FMNL2: variants seen among roughly 807,000 people sequenced by gnomAD.
The protein encoded by FMNL2 is formin like 2.
FMNL2 carries 51 observed loss-of-function variants against 130.2 expected under a neutral mutation model. The ratio of observed to expected loss-of-function variants is 0.39; its 90% CI spans 0.31 to 0.49. FMNL2 has a LOEUF of 0.49. FMNL2 is among the 20% of genes least tolerant of loss of function. The pLI, the probability that FMNL2 is intolerant of heterozygous loss-of-function variation, is 0.85. For synonymous variants in FMNL2, 465 were observed against 467.1 expected (o/e 1.00, Z 0.06); for missense variants, 977 against 1,316.2 (o/e 0.74, Z 3.99).
At chr2:152,644,900 G>A (rs139494482) in intron 25 of FMNL2, among the ~76,000 whole-genome samples, 3 of 152,234 alleles carry the variant, frequency 2.0e-5, no homozygotes, top group East Asian at 1.9e-4. Flanking sequence ...AATAAGAAAC[G>A]AACTTCTCTC....
rs73968053 is a variant in FMNL2, at chr2:152,511,923, C to T, written c.118-10020C>T. ...ATATGTTACAATTTGAGTTTGGTAT[C>T]TTCAGTTATCAAATTGAGTTTACTC... On this transcript the variant is annotated intron_variant, in intron 1 of 25. Transcript: ENST00000288670. Among the ~76,000 whole-genome samples, 687 of 152,240 alleles carry T rather than the reference C, an allele frequency of 4.5e-3. 5 individuals are homozygous for T. Among genetic ancestry groups the T allele is most frequent in the African/African-American group, 0.016 (658 of 41,528 alleles).
chr2:152,450,697 GCCC>G (rs1688592397), intron 1 of FMNL2, among the ~76,000 whole-genome samples: 1 of 152,142 alleles, frequency 6.6e-6, no homozygotes, highest in African/African-American at 2.4e-5. Context: ...ACTTAAGTCA[GCCC>G]CATGTGGCAT....
chr2:152,382,095 G>A lies in FMNL2; in HGVS notation c.117+46375G>A, dbSNP rs535804976. 2.8e-4 allele frequency among the ~76,000 whole-genome samples: 42 copies of A among 152,234 alleles called. 1 individual carries two copies. In the South Asian group the frequency reaches 7.1e-3, roughly 26 times the overall value. ...ATTACAGGAGTGAGCCACCATGCCT[G>A]GCCTAGAATCTTTACATACCGGTTT... On this transcript the variant is annotated intron_variant, in intron 1 of 25. Transcript: ENST00000288670.
chr2:152,339,413 C>T (rs532184005), intron 1 of FMNL2, among the ~76,000 whole-genome samples: 7 of 152,178 alleles, frequency 4.6e-5, no homozygotes, highest in African/African-American at 1.4e-4. Flanking sequence ...GGTTTTTGTC[C>T]GAGAATACCT....
rs1683791313 is a variant in FMNL2, at chr2:152,648,275, C to T, written c.*370C>T. 1 of 182,756 alleles carries T rather than the reference C, an allele frequency of 5.5e-6. No individual in the cohort carries two copies. The highest frequency in any genetic ancestry group is 1.1e-5 in the Non-Finnish European group (1 of 87,504). 11.3% of individuals were successfully genotyped at this position (182,756 alleles called of 1,614,324 possible). On this transcript the variant is annotated 3_prime_UTR_variant, in exon 26 of 26. Coordinates refer to ENST00000288670, the MANE Select transcript of FMNL2 (RefSeq NM_052905.4). ...GTTGTAAATAACATCAATGCATCTG[C>T]TGTGGGTCCTTTGCTGAGATGTCTT...
At chr2:152,428,942 A>G (rs1687336419) in intron 1 of FMNL2, among the ~76,000 whole-genome samples, 1 of 152,100 alleles carries the variant, frequency 6.6e-6, no homozygotes. Context: ...GCATGTTCTC[A>G]CTTACAAGTG....
At chr2:152,432,980 G>C (rs1256814896) in intron 1 of FMNL2, among the ~76,000 whole-genome samples, 2 of 152,172 alleles carry the variant, frequency 1.3e-5, no homozygotes, top group Non-Finnish European at 2.9e-5. Context: ...AGGCAGACCC[G>C]GGCTTGAGTT....
chr2:152,588,653 G>A (rs965646100), intron 9 of FMNL2, among the ~76,000 whole-genome samples: 6 of 152,082 alleles, frequency 3.9e-5, no homozygotes, highest in Non-Finnish European at 7.3e-5. Context: ...TACCAAGAAG[G>A]TAGTATTTTA....
intron 1 of FMNL2, among the ~76,000 whole-genome samples, chr2:152,433,754 A>G (rs1687610394): frequency 1.3e-5 from 2 of 152,186 alleles, no homozygotes; most frequent in Admixed American, 6.5e-5. Flanking sequence ...AGGCTGAGGG[A>G]TAAAGCAGGC....
chr2:152,394,796 C>T (rs1183849166), intron 1 of FMNL2, among the ~76,000 whole-genome samples: 1 of 150,706 alleles, frequency 6.6e-6, no homozygotes, highest in Non-Finnish European at 1.5e-5. Context: ...TCACAGGTTA[C>T]CATATAAGAT....
chr2:152,389,316 G>A (rs1283494611), intron 1 of FMNL2, among the ~76,000 whole-genome samples: 1 of 152,196 alleles, frequency 6.6e-6, no homozygotes, highest in Non-Finnish European at 1.5e-5. Flanking sequence ...TCCTTCTGCT[G>A]TATCTTCATA....
rs536403590 is a variant in FMNL2, at chr2:152,439,403, T to C, written c.118-82540T>C. Among the ~76,000 whole-genome samples, 12 of 152,294 alleles carry C rather than the reference T, an allele frequency of 7.9e-5. 1 individual carries two copies. In the South Asian group the frequency reaches 2.1e-3, roughly 26 times the overall value. On this transcript the variant is annotated intron_variant, in intron 1 of 25. Transcript: ENST00000288670. ...ACAAGTTTTGTTGGATATGTGTGTG[T>C]TTTGGTTTTTTAATCAAGCCAGGTT...
intron 1 of FMNL2, among the ~76,000 whole-genome samples, chr2:152,340,552 C>CT (rs1271328883): frequency 3.9e-5 from 6 of 152,206 alleles, no homozygotes; most frequent in African/African-American, 1.2e-4. Context: ...TTCAGTTTTT[C>CT]TTTTCAAGGC....
intron 1 of FMNL2, 93 bp from the exon 2 acceptor site, chr2:152,521,850 C>T: frequency 1.1e-6 from 1 of 921,808 alleles, no homozygotes; most frequent in Non-Finnish European, 1.7e-6. Context: ...ATGAAAAAAC[C>T]ATAGTGGTAT....
At chr2:152,595,681 A>G (rs1182804613) in intron 9 of FMNL2, among the ~76,000 whole-genome samples, 1 of 152,162 alleles carries the variant, frequency 6.6e-6, no homozygotes, top group African/African-American at 2.4e-5. Context: ...GGGTGGATTC[A>G]TTCAGTATGA....
intron 1 of FMNL2, among the ~76,000 whole-genome samples, chr2:152,385,958 T>A (rs1684759619): frequency 6.6e-6 from 1 of 152,230 alleles, no homozygotes; most frequent in Admixed American, 6.5e-5. Context: ...TCACCTCTCC[T>A]GGATATGCTG....
At chr2:152,572,150 C>T (rs1696204867) in intron 6 of FMNL2, among the ~76,000 whole-genome samples, 1 of 152,106 alleles carries the variant, frequency 6.6e-6, no homozygotes, top group African/African-American at 2.4e-5. Context: ...AAATGTGCTT[C>T]ATCGGGTAGA....
chr2:152,472,987 C>T (rs1689941500), intron 1 of FMNL2, among the ~76,000 whole-genome samples: 1 of 152,098 alleles, frequency 6.6e-6, no homozygotes, highest in Admixed American at 6.6e-5. Context: ...ATATAGGTTC[C>T]TTTTAGTAAG....
rs138442842 is a variant in FMNL2, at chr2:152,385,228, A to G, written c.117+49508A>G. On this transcript the variant is annotated intron_variant, in intron 1 of 25. Transcript: ENST00000288670. ...CACAAGTGCCCAAGAATGCAGCAGCATCGAAACTGGGGATGAAGTGATTTG... is the reference window on the plus strand; with the variant it reads ...CACAAGTGCCCAAGAATGCAGCAGCGTCGAAACTGGGGATGAAGTGATTTG... Among the ~76,000 whole-genome samples, 992 of 152,350 alleles carry G rather than the reference A, an allele frequency of 6.5e-3. 20 individuals carry two copies. The highest frequency in any genetic ancestry group is 0.023 in the African/African-American group (950 of 41,584).
Sources: gnomAD v4.1 joint callset for allele counts (sites outside exome capture counted in the v4.1 genomes callset) on GRCh38, gnomAD v4.1.1 for gene constraint, MANE v1.5 for transcripts, NCBI Gene and HGNC (gene_info 2026-07-23, HGNC 2026-07-21) for gene names.